The following PCDH15 variants were observed in gnomAD, a reference collection of about 807,000 sequenced individuals.
PCDH15 encodes protocadherin-15.
In PCDH15, 129 loss-of-function variants were observed where a neutral mutation model predicts 178.5. That is an observed-to-expected ratio of 0.72 (90% CI 0.63 to 0.84). The LOEUF (loss-of-function observed/expected upper bound fraction) is 0.84. PCDH15 is among the 40% of genes least tolerant of loss of function. The probability of loss-of-function intolerance (pLI) is 0.00; values close to 1 mark genes in which losing one functional copy is unlikely to be tolerated. For missense variants in PCDH15, 2,230 were observed against 2,099.9 expected (o/e 1.06, Z -1.21); for synonymous variants, 800 against 732.0 (o/e 1.09, Z -1.50).
At chr10:55,567,357 T>A (rs1433244466) in intron 2 of PCDH15, among the ~76,000 whole-genome samples, 1 of 151,512 alleles carries the variant, frequency 6.6e-6, no homozygotes. Context: ...ATACTTCAGA[T>A]TTGGCAATAT....
chr10:53,823,809 A>C lies in PCDH15; in HGVS notation c.4368-3579T>G, dbSNP rs1441234237. ...ATCTGATTCAGTACTTCTGTCCTAGAGCCAAAAGTAATCTCCTCTCTGAGC... is the reference window on the plus strand; with the variant it reads ...ATCTGATTCAGTACTTCTGTCCTAGCGCCAAAAGTAATCTCCTCTCTGAGC... On this transcript the variant is annotated intron_variant, in intron 32 of 37. Transcript: ENST00000644397. 4 of 456,522 alleles carry C rather than the reference A, an allele frequency of 8.8e-6. No homozygotes were observed. In the Admixed American group the frequency reaches 9.4e-5, roughly 11 times the overall value. 28.3% of individuals were successfully genotyped at this position (456,522 alleles called of 1,614,324 possible).
chr10:55,493,891 T>G (rs1252798064), intron 2 of PCDH15, among the ~76,000 whole-genome samples: 1 of 151,880 alleles, frequency 6.6e-6, no homozygotes, highest in Non-Finnish European at 1.5e-5. Flanking sequence ...GGCACATATA[T>G]TTTTCCCTCC....
intron 1 of PCDH15, among the ~76,000 whole-genome samples, chr10:55,210,876 T>G (rs1327864756): frequency 6.6e-6 from 1 of 151,912 alleles, no homozygotes; most frequent in African/African-American, 2.4e-5. Flanking sequence ...TACGCCCGCC[T>G]CGGCCTCCCA....
At chr10:54,635,843 C>G (rs2093838245) in intron 2 of PCDH15, among the ~76,000 whole-genome samples, 1 of 151,764 alleles carries the variant, frequency 6.6e-6, no homozygotes, top group South Asian at 2.1e-4. Context: ...GAGGTGACCT[C>G]CACGAGTTCA....
chr10:55,146,505 A>C (rs1389426109), intron 2 of PCDH15, among the ~76,000 whole-genome samples: 2 of 151,942 alleles, frequency 1.3e-5, no homozygotes, highest in African/African-American at 4.8e-5. Context: ...TAGAAAAGAA[A>C]AAAAGTTTCC....
At chr10:55,005,329 C>T (rs1223075838) in intron 2 of PCDH15, among the ~76,000 whole-genome samples, 1 of 151,846 alleles carries the variant, frequency 6.6e-6, no homozygotes, top group African/African-American at 2.4e-5. Context: ...TATATTTCTA[C>T]ATAAATTATC....
Position 53,878,435 on chromosome 10 carries a change from T to C in PCDH15, c.3502-11578A>G, listed in dbSNP as rs200521087. Among the ~76,000 whole-genome samples, 394 of 143,652 alleles carry C rather than the reference T, an allele frequency of 2.7e-3. 1 individual carries two copies. Among genetic ancestry groups the C allele is most frequent in the African/African-American group, 9.0e-3 (355 of 39,244 alleles). 94.2% of individuals were successfully genotyped at this position (143,652 alleles called of 152,430 possible). A position where few individuals can be genotyped will look rare whatever the true frequency, so the allele number is the denominator to read the frequency against. On this transcript the variant is annotated intron_variant, in intron 26 of 37. Coordinates refer to ENST00000644397, the MANE Select transcript of PCDH15 (RefSeq NM_001384140.1). The stretch of plus-strand genomic sequence containing the variant: ...TACACACACGTTGAATATATATATA[T>C]ATCTCCATATATATAAAATGTGTGT...
intron 3 of PCDH15, among the ~76,000 whole-genome samples, chr10:54,498,738 T>A (rs1212323892): frequency 6.6e-6 from 1 of 152,144 alleles, no homozygotes; most frequent in Non-Finnish European, 1.5e-5. Context: ...CAAGAAGACT[T>A]AACTATCTGT....
At chr10:55,205,776 G>A (rs1174758118) in intron 1 of PCDH15, among the ~76,000 whole-genome samples, 5 of 151,600 alleles carry the variant, frequency 3.3e-5, no homozygotes, top group South Asian at 2.1e-4. Flanking sequence ...CCGTTTTCAC[G>A]CTGCTGATAA....
intron 3 of PCDH15, among the ~76,000 whole-genome samples, chr10:54,396,849 G>A (rs1343079996): frequency 1.3e-5 from 2 of 152,060 alleles, no homozygotes; most frequent in African/African-American, 4.8e-5. Context: ...ATTCAAGTAT[G>A]GATATGATAA....
At chr10:55,051,641 C>T (rs1346324603) in intron 2 of PCDH15, among the ~76,000 whole-genome samples, 2 of 152,052 alleles carry the variant, frequency 1.3e-5, no homozygotes, top group Non-Finnish European at 2.9e-5. Context: ...GAAATAAAAT[C>T]ATAGATGTTT....
chr10:54,881,108 A>G (rs184140036), intron 3 of PCDH15, among the ~76,000 whole-genome samples: 1 of 152,134 alleles, frequency 6.6e-6, no homozygotes, highest in Non-Finnish European at 1.5e-5. Flanking sequence ...CACTTACAAA[A>G]TGAGGAAGTA....
intron 3 of PCDH15, among the ~76,000 whole-genome samples, chr10:54,895,841 AT>A (rs1954535532): frequency 6.6e-6 from 1 of 152,014 alleles, no homozygotes; most frequent in South Asian, 2.1e-4. Flanking sequence ...TTTAAAATTT[AT>A]TTGGCTATTG....
At chr10:54,354,403 A>G (rs2795934) in intron 5 of PCDH15, among the ~76,000 whole-genome samples, 17,497 of 152,216 alleles carry the variant, frequency 0.11, 1,793 homozygotes, top group African/African-American at 0.28. Context: ...TGCTTCTTTC[A>G]CTTCCTTTAA....
intron 2 of PCDH15, among the ~76,000 whole-genome samples, chr10:54,588,208 A>G (rs1198467103): frequency 6.6e-6 from 1 of 152,152 alleles, no homozygotes; most frequent in African/African-American, 2.4e-5. Context: ...AGGAAATGAC[A>G]CTAAATCAAT....
intron 3 of PCDH15, among the ~76,000 whole-genome samples, chr10:54,402,517 T>A (rs113513639): frequency 0.026 from 3,968 of 152,056 alleles, 162 homozygotes; most frequent in African/African-American, 0.088. Context: ...GGCATTTTTT[T>A]AAAAGTTTGA....
At chr10:55,258,468 C>T (rs980892825) in intron 1 of PCDH15, among the ~76,000 whole-genome samples, 12 of 152,076 alleles carry the variant, frequency 7.9e-5, no homozygotes, top group African/African-American at 2.7e-4. Flanking sequence ...TCCAAGTGTA[C>T]TTTTCTTTCT....
At chr10:54,782,925 C>G (rs576453512) in intron 1 of PCDH15, among the ~76,000 whole-genome samples, 50 of 152,148 alleles carry the variant, frequency 3.3e-4, no homozygotes, top group African/African-American at 1.2e-3. Flanking sequence ...CCCACCAGAA[C>G]CCAAGCCAAA....
intron 15 of PCDH15, among the ~76,000 whole-genome samples, chr10:54,132,359 C>A (rs571777582): frequency 6.6e-6 from 1 of 152,066 alleles, no homozygotes; most frequent in Non-Finnish European, 1.5e-5. Flanking sequence ...GCTAAAACTA[C>A]CCCCTTCTTC....
Sources: allele counts gnomAD v4.1 joint callset (sites outside exome capture counted in the v4.1 genomes callset), GRCh38; gene constraint gnomAD v4.1.1; transcripts MANE v1.5; gene names NCBI Gene and HGNC (gene_info 2026-07-23, HGNC 2026-07-21).